The following NUDCD3 variants were observed in gnomAD, a reference collection of about 807,000 sequenced individuals.
The protein encoded by NUDCD3 is nudC domain-containing protein 3.
A neutral mutation model predicts 39.7 loss-of-function variants in NUDCD3; 13 were observed. That is an observed-to-expected ratio of 0.33 (90% CI 0.21 to 0.52). The LOEUF is 0.52. NUDCD3 is among the 20% of genes least tolerant of loss of function. NUDCD3 has a pLI of 0.96. For missense variants in NUDCD3, 453 were observed against 458.1 expected, an observed-to-expected ratio of 0.99 and a Z score of 0.10; for synonymous variants, 175 against 172.4, an observed-to-expected ratio of 1.02 and a Z score of -0.12.
intron 3 of NUDCD3, among the ~76,000 whole-genome samples, chr7:44,424,062 A>C (rs781643709): frequency 2.0e-4 from 30 of 152,332 alleles, no homozygotes; most frequent in Admixed American, 3.9e-4. Context: ...CCCATTTAAT[A>C]AACAGTGCTG....
Position 44,490,501 on chromosome 7 carries a change from G to A in NUDCD3, c.100C>T (p.Leu34Phe). The change falls in exon 1 of 6, where the codon CTC (leucine) becomes TTC (phenylalanine). Residue 34 changes from leucine (L) to phenylalanine (F), a missense_variant. By Grantham distance (22) the Leu-to-Phe change is conservative. Transcript: ENST00000355451. ...CGATAGAAGTCTGTCTTGCGGTAGA[G>A]GAAGCCAAAGAGAACGCGCAGGAAA... is the stretch of plus-strand genomic sequence containing the variant. ...QDFLRVLFGF[L>F]YRKTDFYRLL... The A allele has an allele frequency of 6.2e-7, 1 of 1,610,700 alleles. No homozygotes were observed. Among genetic ancestry groups the A allele is most frequent in the Non-Finnish European group, 8.5e-7 (1 of 1,178,692 alleles).
In NUDCD3 at chr7:44,473,157, A is replaced by G. The variant is rs113435270; in HGVS notation, c.509+11811T>C. ...AGTAAACATCTTGGCCACACATCAG[A>G]GTCACCTGGAAAGTTTCTGAAAATC... On this transcript the variant is annotated intron_variant, in intron 2 of 5. Transcript: ENST00000355451. Among the ~76,000 whole-genome samples, 656 of 152,346 alleles carry G rather than the reference A, an allele frequency of 4.3e-3. 7 individuals are homozygous for G. The highest frequency in any genetic ancestry group is 0.015 in the African/African-American group (638 of 41,582).
rs1563160662 is a variant in NUDCD3 at position 44,384,120 on chromosome 7, T to C, written c.*1891A>G. On this transcript the variant is annotated 3_prime_UTR_variant, in exon 6 of 6. Transcript: ENST00000355451. ...TCTCAAAGTCTCCCAAATAACAAGG[T>C]GTAGGGCATCTCACACCACTGCATC... 2 of 152,100 alleles carry C rather than the reference T, an allele frequency of 1.3e-5. No homozygotes were observed. The highest frequency in any genetic ancestry group is 1.3e-4 in the Admixed American group (2 of 15,266). The allele number at this position is 152,100 out of a possible 1,614,324, so 9.4% of individuals were successfully genotyped here.
chr7:44,458,936 CT>C (rs1799951921), intron 2 of NUDCD3, among the ~76,000 whole-genome samples: 1 of 116,062 alleles, frequency 8.6e-6, no homozygotes, highest in Non-Finnish European at 1.7e-5. Context: ...ACGGGGAGTG[CT>C]GTGTGTGTGT....
rs1333515338 is a variant in NUDCD3, at chr7:44,393,840, A to C, written c.787-1355T>G. On this transcript the variant is annotated intron_variant, in intron 4 of 5. Coordinates refer to ENST00000355451, the MANE Select transcript of NUDCD3 (RefSeq NM_015332.4). ...GGGCAAAACCTACCAAGCCACACTC[A>C]GGGTAACTGTGACACTCAAGAGGTC... is the stretch of plus-strand genomic sequence containing the variant. Among the ~76,000 whole-genome samples, 5 of 152,176 alleles carry C rather than the reference A, an allele frequency of 3.3e-5. No homozygotes were observed. In the East Asian group the frequency reaches 9.6e-4, roughly 29 times the overall value.
chr7:44,487,589 C>A (rs1218253550), intron 1 of NUDCD3, among the ~76,000 whole-genome samples: 2 of 152,104 alleles, frequency 1.3e-5, no homozygotes, highest in Non-Finnish European at 2.9e-5. Context: ...TCCCACCCCA[C>A]AATAAAACCC....
chr7:44,465,755 A>G (rs996337592), intron 2 of NUDCD3, among the ~76,000 whole-genome samples: 13 of 152,196 alleles, frequency 8.5e-5, no homozygotes, highest in Non-Finnish European at 1.8e-4. Flanking sequence ...CAGGGCCGTG[A>G]GTGAGAAGAC....
chr7:44,437,020 A>AT (rs765704074), intron 2 of NUDCD3, among the ~76,000 whole-genome samples: 50 of 137,392 alleles, frequency 3.6e-4, no homozygotes, highest in East Asian at 1.1e-3. Context: ...TGCTCTCATA[A>AT]TTTTTTTTTT....
At chr7:44,480,941 C>CAAAAAAAAAAAAAAAAAAAAAAAAAAAAA (rs1164765600) in intron 2 of NUDCD3, among the ~76,000 whole-genome samples, 1 of 34,876 alleles carries the variant, frequency 2.9e-5, no homozygotes, top group African/African-American at 1.1e-4. Context: ...GACCCAGTAT[C>CAAAAAAAAAAAAAAAAAAAAAAAAAAAAA]AAAAAAAAAA....
chr7:44,490,222 G>A, intron 1 of NUDCD3, 187 bp downstream of exon 1: 1 of 597,538 alleles, frequency 1.7e-6, no homozygotes, highest in South Asian at 2.2e-5. Flanking sequence ...CGTCCGGAGC[G>A]AACACCTCAG....
In NUDCD3 at chr7:44,381,122, C is replaced by T. The variant is rs1339869929; in HGVS notation, c.*4889G>A. 6.6e-6 allele frequency: 1 copy of T among 152,288 alleles called. No individual in the cohort carries two copies. Among genetic ancestry groups the T allele is most frequent in the African/African-American group, 2.4e-5 (1 of 41,452 alleles). The allele number at this position is 152,288 out of a possible 1,614,324, so 9.4% of individuals were successfully genotyped here. A position where few individuals can be genotyped will look rare whatever the true frequency, so the allele number is the denominator to read the frequency against. On this transcript the variant is annotated 3_prime_UTR_variant, in exon 6 of 6. Coordinates refer to ENST00000355451, the MANE Select transcript of NUDCD3 (RefSeq NM_015332.4). ...TGGGTGATCAATGCTGGAGGATCCT[C>T]CCTCTGCCTTCCCCATCCAACACAG...
intron 2 of NUDCD3, among the ~76,000 whole-genome samples, chr7:44,465,811 T>C (rs969470223): frequency 1.3e-5 from 2 of 152,172 alleles, no homozygotes; most frequent in African/African-American, 4.8e-5. Flanking sequence ...CAAATTGTTT[T>C]TGATATATGC....
At chr7:44,409,044 A>G (rs114726090) in intron 3 of NUDCD3, among the ~76,000 whole-genome samples, 1,624 of 152,348 alleles carry the variant, frequency 0.011, 20 homozygotes, top group Middle Eastern at 0.061. Flanking sequence ...GAGGTGGCAG[A>G]TAACAACTGA....
chr7:44,457,401 G>A (rs1421720305), intron 2 of NUDCD3, among the ~76,000 whole-genome samples: 1 of 152,176 alleles, frequency 6.6e-6, no homozygotes, highest in East Asian at 1.9e-4. Flanking sequence ...AAAAGATCTT[G>A]TATATAGAAA....
intron 2 of NUDCD3, among the ~76,000 whole-genome samples, chr7:44,454,581 A>T (rs920046580): frequency 6.6e-6 from 1 of 152,128 alleles, no homozygotes; most frequent in African/African-American, 2.4e-5. Flanking sequence ...TGAACTGGCA[A>T]ACTGATCCTT....
At chr7:44,403,907 A>G (rs1262647404) in intron 4 of NUDCD3, among the ~76,000 whole-genome samples, 1 of 152,210 alleles carries the variant, frequency 6.6e-6, no homozygotes, top group African/African-American at 2.4e-5. Context: ...GCCACCACTG[A>G]CAAGGTTCAA....
intron 3 of NUDCD3, among the ~76,000 whole-genome samples, chr7:44,417,448 C>A (rs1207948526): frequency 6.6e-6 from 1 of 152,162 alleles, no homozygotes; most frequent in Non-Finnish European, 1.5e-5. Context: ...TAACCTGGGT[C>A]TCTTGAGTCA....
intron 2 of NUDCD3, among the ~76,000 whole-genome samples, chr7:44,472,348 A>T (rs1445719667): frequency 6.6e-6 from 1 of 152,264 alleles, no homozygotes; most frequent in Non-Finnish European, 1.5e-5. Flanking sequence ...AGAATTCGAT[A>T]TTGGTGTATA....
At chr7:44,388,934 G>C (rs965870652) in intron 5 of NUDCD3, among the ~76,000 whole-genome samples, 1 of 152,234 alleles carries the variant, frequency 6.6e-6, no homozygotes, top group Non-Finnish European at 1.5e-5. Flanking sequence ...GCATCTTCAA[G>C]GTTCTTTGAA....
Sources: gnomAD v4.1 joint callset for allele counts (sites outside exome capture counted in the v4.1 genomes callset) on GRCh38, gnomAD v4.1.1 for gene constraint, MANE v1.5 for transcripts, NCBI Gene and HGNC (gene_info 2026-07-23, HGNC 2026-07-21) for gene names.